Variants in SENP8 observed in about 807,000 individuals in gnomAD.
The protein encoded by SENP8 is sentrin-specific protease 8.
Under a neutral mutation model 14.4 loss-of-function variants are expected in SENP8, and 10 were observed. The observed-to-expected ratio is 0.69, with a 90% CI of 0.43 to 1.18. The LOEUF (loss-of-function observed/expected upper bound fraction) is 1.18. Among genes scored for constraint, SENP8 ranks in the 50% most tolerant of loss-of-function variants. The pLI, the probability that SENP8 is intolerant of heterozygous loss-of-function variation, is 0.00. For synonymous variants in SENP8, 94 were observed against 95.5 expected (o/e 0.98, Z 0.09); for missense variants, 202 against 249.4 (o/e 0.81, Z 1.28).
rs374909816 is a variant in SENP8, at chr15:72,140,196, C to T, written c.573C>T (p.Thr191=). Residue 191 remains threonine, a synonymous_variant, in exon 2 of 2, where the codon ACC becomes ACT. Transcript: ENST00000340912. ...CAGAATCACTGCTGCAGCTACTCAC[C>T]CCTGCATACATCACAAAGAAGAGGG... The part of the protein sequence containing the change: ...QQTESLLQLL[T]PAYITKKRGE... 1.2e-6 allele frequency: 2 copies of T among 1,614,020 alleles called. No individual in the cohort carries two copies. The highest frequency in any genetic ancestry group is 8.5e-7 in the Non-Finnish European group (1 of 1,179,982).
upstream of SENP8, chr15:72,117,618 G>A (rs918867780): frequency 2.5e-6 from 1 of 393,504 alleles, no homozygotes; most frequent in Non-Finnish European, 4.5e-6. Flanking sequence ...GAGCCAAATA[G>A]CGAGGCTGAG....
upstream of SENP8, among the ~76,000 whole-genome samples, chr15:72,116,632 A>G (rs1023759642): frequency 5.3e-5 from 8 of 152,212 alleles, no homozygotes; most frequent in Non-Finnish European, 8.8e-5. Flanking sequence ...CAGTGAATCC[A>G]AAAAAAGTCC....
At chr15:72,129,122 A>T (rs887745282) in intron 1 of SENP8, among the ~76,000 whole-genome samples, 1 of 152,228 alleles carries the variant, frequency 6.6e-6, no homozygotes. Context: ...GTTAATTTAA[A>T]ACTCTAATAC....
At chr15:72,118,195 C>G, upstream of SENP8, 1 of 360,294 alleles carries the variant, frequency 2.8e-6, no homozygotes, top group Non-Finnish European at 5.0e-6. Context: ...TCGGCCCCGC[C>G]CTGTCCCGCC....
At chr15:72,131,369 G>T (rs59975112) in intron 1 of SENP8, among the ~76,000 whole-genome samples, 96,646 of 152,034 alleles carry the variant, frequency 0.64, 31,989 homozygotes, top group Middle Eastern at 0.74. Context: ...GATCTGAACT[G>T]AATCCCAGGT....
rs945904570 is a variant in SENP8 at position 72,125,041 on chromosome 15, C to G, written c.-48+6577C>G. On this transcript the variant is annotated intron_variant, in intron 1 of 1. Transcript: ENST00000340912. Reference sequence around the variant, plus strand: ...AACCCTGTTGTTTAATTTACCAGTCCTTTTTTGAACTCCAGATTGTTTCCA... The same window carrying G: ...AACCCTGTTGTTTAATTTACCAGTCGTTTTTTGAACTCCAGATTGTTTCCA... Among the ~76,000 whole-genome samples the G allele has an allele frequency of 2.6e-5, 4 of 152,138 alleles. No individual in the cohort carries two copies. In the East Asian group the frequency reaches 7.7e-4, roughly 29 times the overall value.
intron 1 of SENP8, among the ~76,000 whole-genome samples, chr15:72,125,642 CAA>C (rs149649570): frequency 0.027 from 4,091 of 150,592 alleles, 161 homozygotes; most frequent in East Asian, 0.18. Context: ...GATATTCCTC[CAA>C]AAAAAAGAAA....
intron 1 of SENP8, among the ~76,000 whole-genome samples, chr15:72,118,811 A>G (rs2081105423): frequency 6.6e-6 from 1 of 152,168 alleles, no homozygotes; most frequent in South Asian, 2.1e-4. Flanking sequence ...ATAAAGTGAC[A>G]ATAGAGAAAA....
At chr15:72,134,591 A>T (rs537486535) in intron 1 of SENP8, 58 of 162,272 alleles carry the variant, frequency 3.6e-4, no homozygotes, top group Non-Finnish European at 6.3e-4. Context: ...ATATAAAAAT[A>T]AAAAATACTG....
intron 1 of SENP8, among the ~76,000 whole-genome samples, chr15:72,133,095 C>A (rs1002218540): frequency 1.3e-5 from 2 of 152,044 alleles, no homozygotes; most frequent in Admixed American, 6.6e-5. Flanking sequence ...CGCTTGAACC[C>A]GGGAGGCAGA....
chr15:72,135,564 A>T (rs940686910), intron 1 of SENP8: 3 of 152,228 alleles, frequency 2.0e-5, no homozygotes, highest in African/African-American at 7.2e-5. Flanking sequence ...CTAAAATTTA[A>T]GTCTTCAAAT....
intron 1 of SENP8, among the ~76,000 whole-genome samples, chr15:72,130,264 T>A (rs539531358): frequency 6.6e-6 from 1 of 152,348 alleles, no homozygotes; most frequent in East Asian, 1.9e-4. Context: ...CAGTGCTTTA[T>A]TAGAATTGTA....
Position 72,140,379 on chromosome 15 carries a change from C to T in SENP8, c.*117C>T, listed in dbSNP as rs1180576438. 4.2e-6 allele frequency: 3 copies of T among 712,984 alleles called. No homozygotes were observed. The highest frequency in any genetic ancestry group is 1.9e-5 in the South Asian group (1 of 53,648). The allele number at this position is 712,984 out of a possible 1,614,324, so 44.2% of individuals were successfully genotyped here. A position where few individuals can be genotyped will look rare whatever the true frequency, so the allele number is the denominator to read the frequency against. On this transcript the variant is annotated 3_prime_UTR_variant, in exon 2 of 2. Coordinates refer to ENST00000340912, the MANE Select transcript of SENP8 (RefSeq NM_145204.4). ...GCCTAGTAGAGGAAAGCTTAATACT[C>T]TTTTTCCTGAAAGAATATCATCCTC...
At chr15:72,133,416 C>T (rs1596651492) in intron 1 of SENP8, among the ~76,000 whole-genome samples, 1 of 152,212 alleles carries the variant, frequency 6.6e-6, no homozygotes, top group East Asian at 1.9e-4. Flanking sequence ...GCACGCTAGA[C>T]TATTCAAGAT....
At chr15:72,118,610 C>T (rs907278074) in intron 1 of SENP8, 146 bp downstream of exon 1, 5 of 152,142 alleles carry the variant, frequency 3.3e-5, no homozygotes, top group African/African-American at 1.2e-4. Context: ...TTTTCAAACA[C>T]GCACGCTCTC....
At chr15:72,126,541 C>T (rs1402496468) in intron 1 of SENP8, among the ~76,000 whole-genome samples, 2 of 152,190 alleles carry the variant, frequency 1.3e-5, no homozygotes, top group Non-Finnish European at 2.9e-5. Context: ...AGGAGAATCG[C>T]TTGAACCCAG....
At chr15:72,124,942 T>C (rs888718579) in intron 1 of SENP8, among the ~76,000 whole-genome samples, 5 of 152,218 alleles carry the variant, frequency 3.3e-5, no homozygotes, top group Non-Finnish European at 5.9e-5. Flanking sequence ...AAGCATATTA[T>C]GAACATTTTT....
intron 1 of SENP8, among the ~76,000 whole-genome samples, chr15:72,138,064 TATAAAA>T (rs936674927): frequency 6.6e-6 from 1 of 152,208 alleles, no homozygotes; most frequent in Admixed American, 6.5e-5. Context: ...TCATCTTTAA[TATAAAA>T]ATAATTTGTT....
intron 1 of SENP8, among the ~76,000 whole-genome samples, chr15:72,133,662 C>T (rs1171622081): frequency 6.6e-6 from 1 of 152,194 alleles, no homozygotes; most frequent in African/African-American, 2.4e-5. Flanking sequence ...CCACCTTATA[C>T]ATCTTTGTAT....
Sources: allele counts gnomAD v4.1 joint callset (sites outside exome capture counted in the v4.1 genomes callset), GRCh38; gene constraint gnomAD v4.1.1; transcripts MANE v1.5; gene names NCBI Gene and HGNC (gene_info 2026-07-23, HGNC 2026-07-21).